The following PBRM1 variants were observed in gnomAD, a reference collection of about 807,000 sequenced individuals.
PBRM1 encodes the protein protein polybromo-1.
PBRM1 carries 27 observed loss-of-function variants against 194.5 expected under a neutral mutation model. The ratio of observed to expected loss-of-function variants is 0.14; its 90% CI spans 0.10 to 0.19. The LOEUF (loss-of-function observed/expected upper bound fraction) is 0.19, where lower values mean the gene tolerates loss of function less well. Among genes scored for constraint, PBRM1 ranks in the 10% least tolerant of loss-of-function variants. The pLI is 1.00. For synonymous variants in PBRM1, 655 were observed against 693.2 expected (o/e 0.94, Z 0.87); for missense variants, 1,466 against 2,077.2 (o/e 0.71, Z 5.72).
chr3:52,599,249 C>T (rs2093807068), intron 17 of PBRM1, among the ~76,000 whole-genome samples: 1 of 152,014 alleles, frequency 6.6e-6, no homozygotes. Context: ...AACATGGATA[C>T]AACGTATAAC....
At position 52,656,229 on chromosome 3, in the gene PBRM1, T is replaced by C. The variant is rs2096605064; in HGVS notation, c.645+1970A>G. On this transcript the variant is annotated intron_variant, in intron 5 of 29. Transcript: ENST00000296302. ...CTTGCTTGTCTAGAAAACCTCTTCT[T>C]TTTTCAGGCAGAAGAGTACCTAATT... 2.0e-5 allele frequency among the ~76,000 whole-genome samples: 3 copies of C among 152,318 alleles called. No homozygotes were observed. In the South Asian group the frequency reaches 6.2e-4, roughly 32 times the overall value.
chr3:52,627,480 A>G, intron 12 of PBRM1, 110 bp from the exon 14 acceptor site: 1 of 634,240 alleles, frequency 1.6e-6, no homozygotes. Flanking sequence ...ATACAATCAC[A>G]TGCAGGATGT....
In PBRM1 at chr3:52,647,117, G is replaced by A. The variant is rs1330868146; in HGVS notation, c.813+1227C>T. On this transcript the variant is annotated intron_variant, in intron 7 of 29. Coordinates refer to ENST00000296302, the Ensembl canonical transcript of PBRM1. ...ATGATCTGAACATTTCTCTAAAGAC[G>A]TATGAATGACCTAAAAATCAAAATA... Among the ~76,000 whole-genome samples the A allele has an allele frequency of 4.0e-5, 6 of 151,838 alleles. 1 individual carries two copies. The highest frequency in any genetic ancestry group is 1.9e-4 in the East Asian group (1 of 5,186).
chr3:52,641,378 C>T (rs760041183), intron 10 of PBRM1, among the ~76,000 whole-genome samples: 7 of 138,206 alleles, frequency 5.1e-5, no homozygotes, highest in East Asian at 2.3e-4. Context: ...ACCCGGCAGG[C>T]GGACGTTGCA....
At chr3:52,641,372 G>C (rs1160091313) in intron 10 of PBRM1, among the ~76,000 whole-genome samples, 1 of 149,428 alleles carries the variant, frequency 6.7e-6, no homozygotes, top group Non-Finnish European at 1.5e-5. Context: ...ACTTGAACCC[G>C]GCAGGCGGAC....
intron 27 of PBRM1, among the ~76,000 whole-genome samples, chr3:52,553,753 C>G (rs986255453): frequency 2.5e-4 from 38 of 151,646 alleles, no homozygotes; most frequent in Non-Finnish European, 4.3e-4. Context: ...CCTCTGCCTC[C>G]CAGGTTCAAG....
chr3:52,606,488 G>C (rs2094355007), intron 16 of PBRM1, among the ~76,000 whole-genome samples: 1 of 152,030 alleles, frequency 6.6e-6, no homozygotes, highest in African/African-American at 2.4e-5. Context: ...TATACTAAAA[G>C]GGCAGATCAT....
At chr3:52,572,499 G>A (rs540107366) in intron 22 of PBRM1, among the ~76,000 whole-genome samples, 1 of 152,240 alleles carries the variant, frequency 6.6e-6, no homozygotes, top group East Asian at 1.9e-4. Flanking sequence ...CAGCCTCTGA[G>A]TAGCCGGGAT....
At chr3:52,585,300 T>C (rs1397920422) in intron 20 of PBRM1, among the ~76,000 whole-genome samples, 1 of 152,154 alleles carries the variant, frequency 6.6e-6, no homozygotes, top group Non-Finnish European at 1.5e-5. Flanking sequence ...ATAATAATCA[T>C]AGGTCCCTTA....
At chr3:52,645,522 T>C (rs994983825) in intron 7 of PBRM1, among the ~76,000 whole-genome samples, 6 of 151,524 alleles carry the variant, frequency 4.0e-5, no homozygotes, top group South Asian at 2.1e-4. Flanking sequence ...TTTTTTTTTT[T>C]CCTTTCTTAA....
intron 15 of PBRM1, among the ~76,000 whole-genome samples, chr3:52,612,600 T>C (rs934619967): frequency 7.2e-5 from 11 of 152,018 alleles, no homozygotes; most frequent in Non-Finnish European, 1.6e-4. Context: ...CTCTAGATCA[T>C]GGGTTTAAGA....
intron 21 of PBRM1, among the ~76,000 whole-genome samples, chr3:52,577,893 G>A (rs2090102616): frequency 6.6e-6 from 1 of 152,058 alleles, no homozygotes; most frequent in African/African-American, 2.4e-5. Flanking sequence ...TGAAACAATC[G>A]ATGGCACTCC....
chr3:52,639,617 C>A (rs1329528484), intron 10 of PBRM1, among the ~76,000 whole-genome samples: 1 of 152,060 alleles, frequency 6.6e-6, no homozygotes, highest in Non-Finnish European at 1.5e-5. Context: ...CCTGTGGTCC[C>A]AGCTACTAGG....
At chr3:52,682,702 C>T (rs2154078573), upstream of PBRM1, among the ~76,000 whole-genome samples, 1 of 152,282 alleles carries the variant, frequency 6.6e-6, no homozygotes, top group African/African-American at 2.4e-5. Flanking sequence ...CCTAAGTCTT[C>T]CACCTCTGAT....
At chr3:52,557,585 C>T (rs2082476431) in intron 26 of PBRM1, among the ~76,000 whole-genome samples, 1 of 151,904 alleles carries the variant, frequency 6.6e-6, no homozygotes, top group African/African-American at 2.4e-5. Flanking sequence ...CCAGAGACAA[C>T]ACACACAGAC....
downstream of PBRM1, chr3:52,547,959 TA>T: frequency 1.1e-6 from 1 of 928,216 alleles, no homozygotes; most frequent in Non-Finnish European, 1.6e-6. Context: ...TAAAATGCAA[TA>T]AAAATTATCC....
At chr3:52,618,837 C>T (rs1199144435) in intron 13 of PBRM1, among the ~76,000 whole-genome samples, 3 of 151,708 alleles carry the variant, frequency 2.0e-5, no homozygotes, top group Non-Finnish European at 2.9e-5. Flanking sequence ...CCGCAACCTT[C>T]GCCTCCTGGG....
chr3:52,608,489 T>G (rs1051345432), intron 16 of PBRM1, among the ~76,000 whole-genome samples: 1 of 152,194 alleles, frequency 6.6e-6, no homozygotes, highest in African/African-American at 2.4e-5. Context: ...GCAAAGACAC[T>G]GAAAGCAAAC....
chr3:52,646,821 T>C (rs960367745), intron 7 of PBRM1, among the ~76,000 whole-genome samples: 6 of 152,120 alleles, frequency 3.9e-5, no homozygotes, highest in Non-Finnish European at 1.5e-5. Flanking sequence ...CAAGAAAACA[T>C]AGGTGTAAAT....
Sources: gnomAD v4.1 joint callset for allele counts (sites outside exome capture counted in the v4.1 genomes callset) on GRCh38, gnomAD v4.1.1 for gene constraint, MANE v1.5 for transcripts, NCBI Gene and HGNC (gene_info 2026-07-23, HGNC 2026-07-21) for gene names.